The following ATP1B3 variants were observed in gnomAD, a reference collection of about 807,000 sequenced individuals.
The protein encoded by ATP1B3 is ATPase Na+/K+ transporting subunit beta 3, also known as sodium/potassium-transporting ATPase subunit beta-3.
A neutral mutation model predicts 30.2 loss-of-function variants in ATP1B3; 10 were observed. The observed-to-expected ratio is 0.33, with a 90% CI of 0.20 to 0.56. ATP1B3 has a LOEUF of 0.56. Ranked by LOEUF, ATP1B3 falls within the 20% of genes least tolerant of loss-of-function variation. ATP1B3 has a pLI of 0.90. For synonymous variants in ATP1B3, 113 were observed against 117.0 expected (o/e 0.97, Z 0.22); for missense variants, 238 against 336.7 (o/e 0.71, Z 2.29).
At chr3:141,887,008 A>G (rs1416150837) in intron 1 of ATP1B3, among the ~76,000 whole-genome samples, 2 of 152,200 alleles carry the variant, frequency 1.3e-5, no homozygotes, top group Non-Finnish European at 2.9e-5. Flanking sequence ...ACCTCAAAAA[A>G]AAGAAAAAAG....
chr3:141,897,361 A>G (rs1264902464), intron 1 of ATP1B3, among the ~76,000 whole-genome samples: 3 of 151,852 alleles, frequency 2.0e-5, no homozygotes, highest in African/African-American at 7.3e-5. Context: ...CATATTTGTC[A>G]TTTGTAATAA....
intron 1 of ATP1B3, among the ~76,000 whole-genome samples, chr3:141,901,526 T>G (rs1218745644): frequency 1.3e-5 from 2 of 152,224 alleles, no homozygotes; most frequent in Non-Finnish European, 2.9e-5. Flanking sequence ...TGGAAATAAC[T>G]TATTTACTTG....
chr3:141,910,426 T>C (rs913612639), intron 3 of ATP1B3, among the ~76,000 whole-genome samples: 2 of 152,168 alleles, frequency 1.3e-5, no homozygotes, highest in African/African-American at 4.8e-5. Context: ...AATTATTATT[T>C]ATCACTTTTA....
At chr3:141,900,356 G>A (rs935642519) in intron 1 of ATP1B3, among the ~76,000 whole-genome samples, 5 of 152,142 alleles carry the variant, frequency 3.3e-5, no homozygotes, top group Admixed American at 6.5e-5. Flanking sequence ...GAAGTTCAGT[G>A]GAGCTGCCAG....
chr3:141,883,380 C>T lies in ATP1B3; in HGVS notation c.109+6470C>T, dbSNP rs201577629. ...GGCGTAGTGAATTTTTGCAATCAGA[C>T]TTTGATAATGACCTGTAGTTGCAAC... On this transcript the variant is annotated intron_variant, in intron 1 of 6. Coordinates refer to ENST00000286371, the MANE Select transcript of ATP1B3 (RefSeq NM_001679.4). Among the ~76,000 whole-genome samples the T allele has an allele frequency of 5.3e-5, 8 of 152,102 alleles. No individual in the cohort carries two copies. The East Asian group carries it at 1.5e-3, about 29-fold the overall frequency.
rs771150693 is a variant in ATP1B3, at chr3:141,903,644, T to C, written c.134T>C (p.Val45Ala). The change falls in exon 2 of 7, where the codon GTT becomes GCT. Residue 45 changes from valine (V) to alanine (A), a missense_variant. Val to Ala is a moderately conservative substitution (Grantham distance 64). This residue lies in a region of ATP1B3 where 130 missense variants were observed against 148.8 expected (regional missense o/e 0.87). Coordinates refer to ENST00000286371, the MANE Select transcript of ATP1B3 (RefSeq NM_001679.4). ...SWGLILLFYL[V>A]FYGFLAALFS... ...GGTTTGATCTTGCTCTTCTACCTAGTTTTTTATGGGTTCCTGGCTGCACTC... is the reference window on the plus strand; with the variant it reads ...GGTTTGATCTTGCTCTTCTACCTAGCTTTTTATGGGTTCCTGGCTGCACTC... 3.1e-6 allele frequency: 5 copies of C among 1,614,042 alleles called. No individual in the cohort carries two copies. Among genetic ancestry groups the C allele is most frequent in the Non-Finnish European group, 3.4e-6 (4 of 1,179,922 alleles).
chr3:141,879,811 CTTTTTT>C (rs150389395), intron 1 of ATP1B3, among the ~76,000 whole-genome samples: 48 of 57,946 alleles, frequency 8.3e-4, no homozygotes, highest in African/African-American at 3.7e-3. Flanking sequence ...TTGGTAACAG[CTTTTTT>C]TTTTTTTTTT....
intron 1 of ATP1B3, among the ~76,000 whole-genome samples, chr3:141,892,051 A>G (rs1024145781): frequency 2.0e-5 from 3 of 152,140 alleles, no homozygotes; most frequent in African/African-American, 7.2e-5. Context: ...TTAAAAATAC[A>G]TATTGCCCTT....
In ATP1B3 at chr3:141,887,193, C is replaced by A. The variant is rs1386871612; in HGVS notation, c.109+10283C>A. 6.6e-5 allele frequency among the ~76,000 whole-genome samples: 10 copies of A among 152,236 alleles called. No homozygotes were observed. In the East Asian group the frequency reaches 1.7e-3, roughly 26 times the overall value. ...TCCATTACTGTAGCTTGAAATTGGC[C>A]ATAGAACTAACGGGCATGGCTAGCA... is the stretch of plus-strand genomic sequence containing the variant. On this transcript the variant is annotated intron_variant, in intron 1 of 6. Transcript: ENST00000286371.
In ATP1B3 at chr3:141,925,516, T is replaced by C. The variant is rs2107781850; in HGVS notation, c.670-15T>C. The C allele has an allele frequency of 6.3e-7, 1 of 1,585,878 alleles. No individual in the cohort carries two copies. The highest frequency in any genetic ancestry group is 1.2e-5 in the South Asian group (1 of 86,082). On this transcript the variant is annotated splice_polypyrimidine_tract_variant and intron_variant, in intron 6 of 6. Coordinates refer to ENST00000286371, the MANE Select transcript of ATP1B3 (RefSeq NM_001679.4). ...CCATAGAGTTTGAATTAATATATTT[T>C]CCTTTTATTGCCAGGTTGGGTATCT...
At chr3:141,912,295 G>A (rs1231634332) in intron 3 of ATP1B3, among the ~76,000 whole-genome samples, 1 of 151,288 alleles carries the variant, frequency 6.6e-6, no homozygotes, top group African/African-American at 2.4e-5. Flanking sequence ...ATTTATTTGA[G>A]ATGGAGCCTC....
chr3:141,921,729 AAG>A (rs3835166), intron 5 of ATP1B3: 94,711 of 255,398 alleles, frequency 0.37, 18,450 homozygotes, highest in East Asian at 0.63. Flanking sequence ...ACTCTCATGA[AAG>A]AGAGTATAGA....
At chr3:141,890,879 A>G (rs1436617557) in intron 1 of ATP1B3, among the ~76,000 whole-genome samples, 4 of 152,158 alleles carry the variant, frequency 2.6e-5, no homozygotes, top group African/African-American at 9.7e-5. Flanking sequence ...AGTCTGTGTT[A>G]TGTTCTTACT....
intron 1 of ATP1B3, among the ~76,000 whole-genome samples, chr3:141,880,558 G>T (rs1933702341): frequency 6.6e-6 from 1 of 152,026 alleles, no homozygotes; most frequent in African/African-American, 2.4e-5. Flanking sequence ...TAGAGATCTA[G>T]TGTTATTTAA....
chr3:141,907,356 A>G (rs1934282180), intron 3 of ATP1B3, 82 bp downstream of exon 3: 22 of 951,826 alleles, frequency 2.3e-5, no homozygotes, highest in Non-Finnish European at 3.0e-5. Context: ...ACGGTAGCTC[A>G]CGCCTGTAAT....
intron 1 of ATP1B3, among the ~76,000 whole-genome samples, chr3:141,901,352 A>G (rs958505322): frequency 6.6e-6 from 1 of 152,162 alleles, no homozygotes; most frequent in South Asian, 2.1e-4. Context: ...AAGAGCAGCA[A>G]TTTACAACTT....
At chr3:141,906,284 G>A (rs967726563) in intron 2 of ATP1B3, among the ~76,000 whole-genome samples, 3 of 151,792 alleles carry the variant, frequency 2.0e-5, no homozygotes, top group African/African-American at 7.3e-5. Context: ...GGTTCAAGCA[G>A]TTCTCCTGCC....
chr3:141,900,702 T>G (rs1361525154), intron 1 of ATP1B3, among the ~76,000 whole-genome samples: 1 of 152,140 alleles, frequency 6.6e-6, no homozygotes, highest in African/African-American at 2.4e-5. Flanking sequence ...GCAGAAGAGC[T>G]GGACAGGGCC....
chr3:141,914,931 A>G (rs931561436), intron 4 of ATP1B3, among the ~76,000 whole-genome samples: 5 of 152,234 alleles, frequency 3.3e-5, no homozygotes, highest in Non-Finnish European at 7.3e-5. Context: ...GAATGTTTCA[A>G]CCAGACCTTA....
Sources: gnomAD v4.1 joint callset for allele counts (sites outside exome capture counted in the v4.1 genomes callset) on GRCh38, gnomAD v4.1.1 for gene constraint, gnomAD v4.1.1 regional missense constraint, MANE v1.5 for transcripts, NCBI Gene and HGNC (gene_info 2026-07-23, HGNC 2026-07-21) for gene names.